CRYBG3: variants seen among roughly 807,000 people sequenced by gnomAD.
The protein encoded by CRYBG3 is crystallin beta-gamma domain containing 3.
CRYBG3 carries 127 observed loss-of-function variants against 244.2 expected under a neutral mutation model. The observed-to-expected ratio is 0.52, with a 90% CI of 0.45 to 0.60. The LOEUF is 0.60. CRYBG3 is among the 20% of genes least tolerant of loss of function. The pLI is 0.00. For synonymous variants in CRYBG3, 1,132 were observed against 1,195.8 expected, an observed-to-expected ratio of 0.95 and a Z score of 1.10; for missense variants, 3,325 against 3,442.5, an observed-to-expected ratio of 0.97 and a Z score of 0.85.
chr3:97,901,172 C>A (rs2039703175), intron 15 of CRYBG3, among the ~76,000 whole-genome samples: 1 of 152,148 alleles, frequency 6.6e-6, no homozygotes, highest in African/African-American at 2.4e-5. Flanking sequence ...CTTGACAAAA[C>A]CACATGTTCA....
intron 3 of CRYBG3, among the ~76,000 whole-genome samples, chr3:97,871,207 G>T (rs1244900797): frequency 6.6e-6 from 1 of 152,112 alleles, no homozygotes; most frequent in African/African-American, 2.4e-5. Context: ...TTTTGCATTT[G>T]CCCAAGCAGT....
intron 2 of CRYBG3, among the ~76,000 whole-genome samples, chr3:97,863,616 A>G (rs2039182946): frequency 6.6e-6 from 1 of 152,078 alleles, no homozygotes; most frequent in South Asian, 2.1e-4. Context: ...TGCCAGCTTT[A>G]TGGGTTAACA....
chr3:97,905,551 A>C (rs1468446209), intron 15 of CRYBG3, among the ~76,000 whole-genome samples: 3 of 152,114 alleles, frequency 2.0e-5, no homozygotes, highest in Non-Finnish European at 4.4e-5. Context: ...TCTTTTGAGA[A>C]GTGTCTGTTC....
intron 2 of CRYBG3, among the ~76,000 whole-genome samples, chr3:97,844,120 A>G (rs2038864703): frequency 6.6e-6 from 1 of 152,180 alleles, no homozygotes; most frequent in Non-Finnish European, 1.5e-5. Context: ...ATTACACATT[A>G]TAAAGACAAA....
chr3:97,843,186 AT>A lies in CRYBG3; in HGVS notation c.150-4del. ...AATTTCAAAAGAAACTGTGGTTTTTATTTTTCAGTGTTGAAAATGAGCCCAT... is the reference window on the plus strand; with the variant it reads ...AATTTCAAAAGAAACTGTGGTTTTTATTTTCAGTGTTGAAAATGAGCCCAT... On this transcript the variant is annotated splice_polypyrimidine_tract_variant and splice_region_variant and intron_variant, in intron 1 of 21. Transcript: ENST00000389622. 1 of 1,490,424 alleles carries A rather than the reference AT, an allele frequency of 6.7e-7. No homozygotes were observed. Among genetic ancestry groups the A allele is most frequent in the Non-Finnish European group, 8.9e-7 (1 of 1,124,772 alleles). The allele number at this position is 1,490,424 out of a possible 1,614,324, so 92.3% of individuals were successfully genotyped here.
Position 97,873,530 on chromosome 3 carries a change from A to T in CRYBG3, c.2336A>T (p.Asp779Val). The change falls in exon 4 of 22, where the codon GAC (aspartate) becomes GTC (valine). Residue 779 changes from aspartate to valine, a missense_variant. Coordinates refer to ENST00000389622, the MANE Select transcript of CRYBG3 (RefSeq NM_153605.4). ...GATTGCAGTTCCATTTTATCTCAAG[A>T]CCCTAATAGAGTAGAGTTAGTGTCT... is the stretch of plus-strand genomic sequence containing the variant. ...SKDCSSILSQ[D>V]PNRVELVSSN... 6.5e-7 allele frequency: 1 copy of T among 1,535,944 alleles called. No individual in the cohort carries two copies. Among genetic ancestry groups the T allele is most frequent in the South Asian group, 1.2e-5 (1 of 84,054 alleles).
At chr3:97,826,910 A>G (rs536301222) in intron 1 of CRYBG3, among the ~76,000 whole-genome samples, 3 of 152,358 alleles carry the variant, frequency 2.0e-5, no homozygotes, top group Admixed American at 2.0e-4. Flanking sequence ...TGTTTCACGA[A>G]TGTCATACGT....
At chr3:97,832,662 A>C (rs1007081028) in intron 1 of CRYBG3, among the ~76,000 whole-genome samples, 2 of 152,310 alleles carry the variant, frequency 1.3e-5, no homozygotes, top group Middle Eastern at 3.4e-3. Flanking sequence ...GACATGGACA[A>C]AGACTTCCTG....
intron 15 of CRYBG3, among the ~76,000 whole-genome samples, chr3:97,908,356 C>G (rs776924690): frequency 2.0e-5 from 3 of 152,116 alleles, no homozygotes; most frequent in Non-Finnish European, 4.4e-5. Flanking sequence ...GTGTTAAAGT[C>G]TCCCATTATT....
intron 11 of CRYBG3, among the ~76,000 whole-genome samples, chr3:97,893,536 G>A (rs2039605308): frequency 6.6e-6 from 1 of 152,254 alleles, no homozygotes; most frequent in African/African-American, 2.4e-5. Flanking sequence ...TTAGTCAGCA[G>A]TTCCTGGGGC....
rs761541082 is a variant in CRYBG3 at position 97,915,648 on chromosome 3, A to G, written c.8153A>G (p.His2718Arg). 2 of 1,612,486 alleles carry G rather than the reference A, an allele frequency of 1.2e-6. No individual in the cohort carries two copies. Among genetic ancestry groups the G allele is most frequent in the Admixed American group, 3.3e-5 (2 of 59,908 alleles). Reference sequence around the variant, plus strand: ...TACCAAGAAGACATGTTTGTTAATCACTGTGTGTTAGAAGAAGGCCTCTAT... The same window carrying G: ...TACCAAGAAGACATGTTTGTTAATCGCTGTGTGTTAGAAGAAGGCCTCTAT... ...LYYQEDMFVN[H>R]CVLEEGLYAD... Residue 2718 changes from histidine (H) to arginine (R), a missense_variant, in exon 17 of 22, where the codon CAC becomes CGC. His to Arg is a conservative substitution (Grantham distance 29). This residue lies in a region of CRYBG3 where 714 missense variants were observed against 803.6 expected (regional missense o/e 0.89). Transcript: ENST00000389622.
chr3:97,869,304 T>C (rs1403068076), intron 3 of CRYBG3, among the ~76,000 whole-genome samples: 1 of 152,272 alleles, frequency 6.6e-6, no homozygotes, highest in South Asian at 2.1e-4. Context: ...TATAGCTTAC[T>C]TTGAATAAAA....
chr3:97,897,695 A>G (rs946097911), intron 12 of CRYBG3, among the ~76,000 whole-genome samples: 7 of 152,154 alleles, frequency 4.6e-5, no homozygotes, highest in African/African-American at 1.2e-4. Flanking sequence ...ACATACTTAC[A>G]TTGTTTATAA....
intron 17 of CRYBG3, among the ~76,000 whole-genome samples, chr3:97,922,484 A>G (rs1046891257): frequency 1.3e-5 from 2 of 152,094 alleles, no homozygotes; most frequent in Admixed American, 1.3e-4. Flanking sequence ...ACTCAAACAA[A>G]TTACAGGAAA....
chr3:97,872,398 A>T lies in CRYBG3; in HGVS notation c.1204A>T (p.Thr402Ser), dbSNP rs1196949175. The T allele has an allele frequency of 5.2e-6, 8 of 1,535,780 alleles. No individual in the cohort carries two copies. Among genetic ancestry groups the T allele is most frequent in the Non-Finnish European group, 7.0e-6 (8 of 1,146,780 alleles). ...VPCSPDFQRV[T>S]TTENTIKENS... ...TTGCAGCCCAGATTTTCAGAGAGTAACTACAACAGAAAATACGATAAAAGA... is the reference window on the plus strand; with the variant it reads ...TTGCAGCCCAGATTTTCAGAGAGTATCTACAACAGAAAATACGATAAAAGA... The change falls in exon 4 of 22, where the codon ACT becomes TCT. Residue 402 changes from threonine (T) to serine (S), a missense_variant. Transcript: ENST00000389622.
chr3:97,836,775 C>G (rs2038740109), intron 1 of CRYBG3, among the ~76,000 whole-genome samples: 1 of 152,044 alleles, frequency 6.6e-6, no homozygotes, highest in Non-Finnish European at 1.5e-5. Flanking sequence ...GAGCGAGCCT[C>G]AGTAATTTTG....
intron 7 of CRYBG3, 64 bp from the exon 8 acceptor site, chr3:97,886,567 C>T: frequency 7.5e-7 from 1 of 1,332,254 alleles, no homozygotes. Context: ...ATGTCCAGGA[C>T]ATTGAGAAGA....
chr3:97,886,635 G>C lies in CRYBG3; in HGVS notation c.7157G>C (p.Cys2386Ser), dbSNP rs762187735. ...LGSLKRVLKD[C>S]SIPEIELFPQ... ...CAAATTATTTTTTTTTTTCAGGACTGCAGCATTCCAGAAATAGAGCTTTTC... is the reference window on the plus strand; with the variant it reads ...CAAATTATTTTTTTTTTTCAGGACTCCAGCATTCCAGAAATAGAGCTTTTC... The change falls in exon 8 of 22, where the codon TGC becomes TCC. Residue 2386 changes from cysteine (C) to serine (S), a missense_variant. Transcript: ENST00000389622. 4.8e-5 allele frequency: 76 copies of C among 1,599,718 alleles called. No homozygotes were observed. Among genetic ancestry groups the C allele is most frequent in the Non-Finnish European group, 6.2e-5 (73 of 1,175,550 alleles).
rs1434043562 is a variant in CRYBG3 at position 97,889,371 on chromosome 3, A to G, written c.7421A>G (p.Glu2474Gly). The G allele has an allele frequency of 1.9e-6, 3 of 1,609,718 alleles. No homozygotes were observed. In the East Asian group the frequency reaches 6.7e-5, roughly 36 times the overall value. Residue 2474 changes from glutamate (E) to glycine (G), a missense_variant, in exon 10 of 22, where the codon GAA becomes GGA. By Grantham distance (98) the Glu-to-Gly change is moderately conservative. Transcript: ENST00000389622. Reference sequence around the variant, plus strand: ...CATCTTAAGGGTGGACTGAAAGTGGAAATGCCCATGAACTTAAAGGTAAGT... The same window carrying G: ...CATCTTAAGGGTGGACTGAAAGTGGGAATGCCCATGAACTTAAAGGTAAGT... ...HPLQMGGLKVEMPMNLKVIIY... is the reference protein window; with the variant it reads ...HPLQMGGLKVGMPMNLKVIIY...
Sources: gnomAD v4.1 joint callset for allele counts (sites outside exome capture counted in the v4.1 genomes callset) on GRCh38, gnomAD v4.1.1 for gene constraint, gnomAD v4.1.1 regional missense constraint, MANE v1.5 for transcripts, NCBI Gene and HGNC (gene_info 2026-07-23, HGNC 2026-07-21) for gene names.